The following TLK1 variants were observed in gnomAD, a reference collection of about 807,000 sequenced individuals.
TLK1 encodes tousled like kinase 1, also known as serine/threonine-protein kinase tousled-like 1.
In TLK1, 24 loss-of-function variants were observed where a neutral mutation model predicts 105.3. The ratio of observed to expected loss-of-function variants is 0.23; its 90% confidence interval spans 0.17 to 0.32. TLK1 has a LOEUF of 0.32. Among genes scored for constraint, TLK1 ranks in the 10% least tolerant of loss-of-function variants. The pLI, the probability that TLK1 is intolerant of heterozygous loss-of-function variation, is 1.00. For synonymous variants in TLK1, 321 were observed against 310.4 expected (o/e 1.03, Z -0.36); for missense variants, 558 against 910.5 (o/e 0.61, Z 4.98).
chr2:171,010,984 T>A (rs1559340016), intron 14 of TLK1, among the ~76,000 whole-genome samples: 2 of 152,274 alleles, frequency 1.3e-5, no homozygotes, highest in East Asian at 3.9e-4. Context: ...GGACATATAA[T>A]CAATAAACAA....
Position 171,082,869 on chromosome 2 carries a change from A to G in TLK1, c.259-17T>C. The G allele has an allele frequency of 1.9e-6, 3 of 1,582,954 alleles. No individual in the cohort carries two copies. Among genetic ancestry groups the G allele is most frequent in the Non-Finnish European group, 2.6e-6 (3 of 1,164,580 alleles). On this transcript the variant is annotated splice_polypyrimidine_tract_variant and intron_variant, in intron 2 of 20. Coordinates refer to ENST00000431350, the MANE Select transcript of TLK1 (RefSeq NM_012290.5). ...TGTTGAGGCCTGTTAAAGATTTTTT[A>G]AAAGGTAAAAATTAGGAGTAATTTT...
At chr2:171,216,133 A>G (rs1446293668) in intron 1 of TLK1, among the ~76,000 whole-genome samples, 1 of 152,206 alleles carries the variant, frequency 6.6e-6, no homozygotes, top group Non-Finnish European at 1.5e-5. Flanking sequence ...TAAAGATAGT[A>G]TTCAAACTAA....
At chr2:171,058,362 CA>C (rs1367446553) in intron 4 of TLK1, among the ~76,000 whole-genome samples, 165 bp from the exon 5 acceptor site, 1 of 151,454 alleles carries the variant, frequency 6.6e-6, no homozygotes, top group Non-Finnish European at 1.5e-5. Context: ...GAGAATCTTA[CA>C]AATAAATGAT....
chr2:171,105,685 T>C (rs1260052863), intron 2 of TLK1, among the ~76,000 whole-genome samples: 2 of 150,570 alleles, frequency 1.3e-5, no homozygotes, highest in Non-Finnish European at 3.0e-5. Flanking sequence ...AGACTCCGTC[T>C]CGAAAAAAAA....
chr2:171,075,504 ATAT>A (rs1688459471), intron 3 of TLK1, among the ~76,000 whole-genome samples: 1 of 152,210 alleles, frequency 6.6e-6, no homozygotes, highest in Non-Finnish European at 1.5e-5. Flanking sequence ...TGAAAGATGA[ATAT>A]TAAGGATTAA....
At chr2:171,126,324 A>G (rs1690866495) in intron 1 of TLK1, among the ~76,000 whole-genome samples, 1 of 152,172 alleles carries the variant, frequency 6.6e-6, no homozygotes, top group Non-Finnish European at 1.5e-5. Context: ...GTTTCATTTT[A>G]ATAAACATGT....
chr2:171,009,092 C>G (rs1559338890), intron 14 of TLK1, among the ~76,000 whole-genome samples: 2 of 151,932 alleles, frequency 1.3e-5, no homozygotes, highest in African/African-American at 4.8e-5. Context: ...GGAAGAGAGC[C>G]CAAAGATCAC....
At chr2:171,118,375 ATT>A (rs1558951859) in intron 1 of TLK1, among the ~76,000 whole-genome samples, 1 of 152,194 alleles carries the variant, frequency 6.6e-6, no homozygotes, top group African/African-American at 2.4e-5. Context: ...CCACTTAATT[ATT>A]TTGTTTATGT....
Position 171,040,561 on chromosome 2 carries a change from C to CT in TLK1, c.1169+5612dup, listed in dbSNP as rs1181007351. On this transcript the variant is annotated intron_variant, in intron 11 of 20. Transcript: ENST00000431350. ...TAATAATGTTATACAAAATATATTC[C>CT]TTTTTTGTTTTTTTTTTTTTTTTTT... Among the ~76,000 whole-genome samples, 516 of 123,536 alleles carry CT rather than the reference C, an allele frequency of 4.2e-3. 11 individuals are homozygous for CT. The highest frequency in any genetic ancestry group is 0.014 in the African/African-American group (461 of 33,238). 81.0% of individuals were successfully genotyped at this position (123,536 alleles called of 152,430 possible).
intron 1 of TLK1, chr2:171,155,817 A>C (rs1315517235): frequency 6.6e-6 from 1 of 152,184 alleles, no homozygotes. Flanking sequence ...TCTGGTAAAA[A>C]ATTAGACTGA....
At chr2:171,149,455 G>T (rs1691942851) in intron 1 of TLK1, among the ~76,000 whole-genome samples, 1 of 152,082 alleles carries the variant, frequency 6.6e-6, no homozygotes, top group Non-Finnish European at 1.5e-5. Flanking sequence ...ATATTAACTT[G>T]TTATGTAATA....
At position 171,022,086 on chromosome 2, in the gene TLK1, A is replaced by AACACACACACACACAGACACACAC. The variant is rs1553605632; in HGVS notation, c.1236+6252_1236+6253insGTGTGTGTCTGTGTGTGTGTGTGT. On this transcript the variant is annotated intron_variant, in intron 12 of 20. Transcript: ENST00000431350. The stretch of plus-strand genomic sequence containing the variant: ...CCACCACACTCCAGCCTGGGCGAAA[A>AACACACACACACACAGACACACAC]ACACACACACACACACACACACACA... Among the ~76,000 whole-genome samples the AACACACACACACACAGACACACAC allele has an allele frequency of 1.9e-4, 20 of 103,108 alleles. No individual in the cohort carries two copies. In the East Asian group the frequency reaches 8.7e-3, roughly 45 times the overall value. 67.6% of individuals were successfully genotyped at this position (103,108 alleles called of 152,430 possible).
intron 2 of TLK1, among the ~76,000 whole-genome samples, chr2:171,104,528 C>T (rs2105510074): frequency 6.6e-6 from 1 of 152,234 alleles, no homozygotes; most frequent in South Asian, 2.1e-4. Context: ...ATACCAATGA[C>T]ATTCCTCACA....
At chr2:171,124,127 T>C (rs1690774406) in intron 1 of TLK1, among the ~76,000 whole-genome samples, 1 of 152,200 alleles carries the variant, frequency 6.6e-6, no homozygotes, top group Non-Finnish European at 1.5e-5. Flanking sequence ...TTCTGAAAAA[T>C]GCTGTGGGAA....
chr2:171,105,634 C>T (rs1215049367), intron 2 of TLK1, among the ~76,000 whole-genome samples: 1 of 151,992 alleles, frequency 6.6e-6, no homozygotes, highest in Non-Finnish European at 1.5e-5. Context: ...TGCAGTGAGC[C>T]CCGAGACTGC....
intron 3 of TLK1, among the ~76,000 whole-genome samples, chr2:171,080,544 A>ACATAATAATAAT (rs148358883): frequency 2.1e-5 from 3 of 145,030 alleles, no homozygotes; most frequent in African/African-American, 5.1e-5. Flanking sequence ...AGATACACTA[A>ACATAATAATAAT]AATAATAATA....
At chr2:171,201,651 C>T (rs1272361537) in intron 1 of TLK1, among the ~76,000 whole-genome samples, 1 of 152,204 alleles carries the variant, frequency 6.6e-6, no homozygotes, top group Non-Finnish European at 1.5e-5. Context: ...GGAACTGTTC[C>T]ACCTGGTTCC....
At chr2:171,111,400 G>A (rs1690157329) in intron 2 of TLK1, among the ~76,000 whole-genome samples, 1 of 151,926 alleles carries the variant, frequency 6.6e-6, no homozygotes, top group African/African-American at 2.4e-5. Context: ...GTAAAACCTG[G>A]TCTCCACAAA....
At chr2:171,218,855 T>G (rs1693759677) in intron 1 of TLK1, among the ~76,000 whole-genome samples, 2 of 152,228 alleles carry the variant, frequency 1.3e-5, no homozygotes, top group Non-Finnish European at 2.9e-5. Context: ...CATTAGACAT[T>G]AAGTTTCAAC....
Sources: gnomAD v4.1 joint callset for allele counts (sites outside exome capture counted in the v4.1 genomes callset) on GRCh38, gnomAD v4.1.1 for gene constraint, MANE v1.5 for transcripts, NCBI Gene and HGNC (gene_info 2026-07-23, HGNC 2026-07-21) for gene names.